The following PLEKHA7 variants were observed in gnomAD, a reference collection of about 807,000 sequenced individuals.
PLEKHA7 encodes the protein pleckstrin homology domain containing A7.
A neutral mutation model predicts 170.0 loss-of-function variants in PLEKHA7; 104 were observed. The observed-to-expected ratio is 0.61, with a 90% CI of 0.52 to 0.72. The LOEUF (loss-of-function observed/expected upper bound fraction) is 0.72, where lower values mean the gene tolerates loss of function less well. Ranked by LOEUF, PLEKHA7 falls within the 30% of genes least tolerant of loss-of-function variation. The pLI is 0.00. For synonymous variants in PLEKHA7, 648 were observed against 660.8 expected, an observed-to-expected ratio of 0.98 and a Z score of 0.30; for missense variants, 1,615 against 1,671.7, an observed-to-expected ratio of 0.97 and a Z score of 0.59.
chr11:16,945,089 C>T (rs770498686), intron 3 of PLEKHA7, among the ~76,000 whole-genome samples: 2 of 152,092 alleles, frequency 1.3e-5, no homozygotes, highest in Non-Finnish European at 2.9e-5. Context: ...GCATGTGCCA[C>T]CATGCCCAGC....
chr11:16,903,551 G>A (rs177545), intron 3 of PLEKHA7, among the ~76,000 whole-genome samples: 125,571 of 152,052 alleles, frequency 0.83, 52,384 homozygotes, highest in Non-Finnish European at 0.9. Flanking sequence ...CAGGGATTAT[G>A]GATTGTAGAG....
At position 16,805,703 on chromosome 11, in the gene PLEKHA7, T is replaced by C. The variant is rs151150153; in HGVS notation, c.2008-2408A>G. On this transcript the variant is annotated intron_variant, in intron 13 of 26. Transcript: ENST00000531066. ...TACTCGGGAGGTTGAGGCAGGAGAA[T>C]CTCTTGAACCTGGGAGGCAGAGGTT... Among the ~76,000 whole-genome samples the C allele has an allele frequency of 2.2e-4, 33 of 149,146 alleles. No individual in the cohort carries two copies. In the East Asian group the frequency reaches 6.3e-3, roughly 29 times the overall value.
At chr11:16,925,048 G>C (rs961051665) in intron 3 of PLEKHA7, among the ~76,000 whole-genome samples, 2 of 151,274 alleles carry the variant, frequency 1.3e-5, no homozygotes. Context: ...TGGGTGTAGA[G>C]GAAGGGCAGG....
chr11:16,888,263 T>TG (rs1384526943), intron 3 of PLEKHA7, among the ~76,000 whole-genome samples: 6 of 134,696 alleles, frequency 4.5e-5, no homozygotes, highest in Non-Finnish European at 6.4e-5. Flanking sequence ...AGGAGGGAGG[T>TG]GGGGGGCAGT....
At chr11:16,994,006 T>G (rs1185303548) in intron 3 of PLEKHA7, among the ~76,000 whole-genome samples, 1 of 152,196 alleles carries the variant, frequency 6.6e-6, no homozygotes, top group Non-Finnish European at 1.5e-5. Context: ...AACACAAGCT[T>G]AAGTATAAAG....
chr11:16,994,964 C>T (rs368888200), intron 3 of PLEKHA7, among the ~76,000 whole-genome samples: 9 of 152,300 alleles, frequency 5.9e-5, no homozygotes, highest in African/African-American at 1.9e-4. Flanking sequence ...CTACTATGTA[C>T]AAGATGTATT....
intron 3 of PLEKHA7, among the ~76,000 whole-genome samples, chr11:16,981,573 G>A (rs1228350735): frequency 6.6e-6 from 1 of 152,072 alleles, no homozygotes; most frequent in African/African-American, 2.4e-5. Flanking sequence ...TCAGCCCAGT[G>A]CAAACCATGC....
intron 13 of PLEKHA7, among the ~76,000 whole-genome samples, chr11:16,806,661 G>A (rs1849011472): frequency 6.6e-6 from 1 of 152,218 alleles, no homozygotes; most frequent in African/African-American, 2.4e-5. Flanking sequence ...TGGGCAGGGG[G>A]TGGCATTTTA....
chr11:16,781,173 G>A (rs559322715), intron 26 of PLEKHA7: 2 of 217,456 alleles, frequency 9.2e-6, no homozygotes, highest in Non-Finnish European at 1.6e-5. Flanking sequence ...CGAAGGGCCT[G>A]GGCTTGAGGG....
chr11:16,987,206 CCCCACCAGTGATCACTCCCT>C (rs1012255594), intron 3 of PLEKHA7, among the ~76,000 whole-genome samples: 2 of 152,134 alleles, frequency 1.3e-5, no homozygotes, highest in African/African-American at 4.8e-5. Context: ...AAACCTCAGT[CCCCACCAGTGATCACTCCCT>C]CCCAACCAAA....
intron 13 of PLEKHA7, chr11:16,807,283 C>T: frequency 1.3e-6 from 1 of 766,856 alleles, no homozygotes; most frequent in Non-Finnish European, 1.6e-6. Flanking sequence ...TCAAATGACA[C>T]TTGAAGCAGC....
intron 3 of PLEKHA7, among the ~76,000 whole-genome samples, chr11:16,982,135 T>G (rs1863467690): frequency 6.6e-6 from 1 of 152,154 alleles, no homozygotes; most frequent in Non-Finnish European, 1.5e-5. Flanking sequence ...GAAAGTACTT[T>G]GGAAATATAT....
At chr11:16,827,213 A>G (rs910988333) in intron 9 of PLEKHA7, among the ~76,000 whole-genome samples, 2 of 152,238 alleles carry the variant, frequency 1.3e-5, no homozygotes, top group African/African-American at 4.8e-5. Context: ...AAAGATGGCG[A>G]ATAGAGAACA....
In PLEKHA7 at chr11:16,782,795, G is replaced by A; in HGVS notation, c.3752C>T (p.Ala1251Val). 6.5e-7 allele frequency: 1 copy of A among 1,536,178 alleles called. No homozygotes were observed. Among genetic ancestry groups the A allele is most frequent in the Non-Finnish European group, 8.7e-7 (1 of 1,146,918 alleles). The change falls in exon 26 of 27, where the codon GCC becomes GTC. Residue 1251 changes from alanine to valine, a missense_variant. By Grantham distance (64) the Ala-to-Val change is moderately conservative. Transcript: ENST00000531066. ...ACGCTGGGAGGCCTCGGAGGCCAGG[G>A]CGTAGGAGATGTTGATGATGCGCTC... ...EQERIINISY[A>V]LASEASQRSK...
intron 3 of PLEKHA7, among the ~76,000 whole-genome samples, chr11:16,904,871 A>G (rs1036611783): frequency 6.6e-5 from 10 of 152,344 alleles, no homozygotes; most frequent in Admixed American, 2.0e-4. Flanking sequence ...AATCATATAT[A>G]TGACTAAAAG....
intron 3 of PLEKHA7, among the ~76,000 whole-genome samples, chr11:16,927,061 T>C (rs1435799268): frequency 7.5e-6 from 1 of 132,538 alleles, no homozygotes; most frequent in Non-Finnish European, 1.8e-5. Flanking sequence ...CAGCCATAGC[T>C]AGTCAGGAGG....
At chr11:16,803,537 A>T in intron 13 of PLEKHA7, 1 of 506,768 alleles carries the variant, frequency 2.0e-6, no homozygotes, top group Non-Finnish European at 3.5e-6. Flanking sequence ...GTTAAAGAAA[A>T]TGTAGATGTT....
Position 16,778,926 on chromosome 11 carries a change from G to A in PLEKHA7, c.*72C>T. The A allele has an allele frequency of 1.4e-6, 1 of 702,366 alleles. No homozygotes were observed. The highest frequency in any genetic ancestry group is 2.6e-6 in the Non-Finnish European group (1 of 384,850). The allele number at this position is 702,366 out of a possible 1,614,324, so 43.5% of individuals were successfully genotyped here. A position where few individuals can be genotyped will look rare whatever the true frequency, so the allele number is the denominator to read the frequency against. On this transcript the variant is annotated 3_prime_UTR_variant, in exon 27 of 27. Transcript: ENST00000531066. ...TCAGCTGGAAGGGGTTTCCTTGGGG[G>A]CAGAAAGGTCATCTCCTTGGAGGAA...
At chr11:16,983,959 G>A (rs375821123) in intron 3 of PLEKHA7, among the ~76,000 whole-genome samples, 6 of 152,114 alleles carry the variant, frequency 3.9e-5, no homozygotes, top group African/African-American at 1.4e-4. Context: ...ATACACCTGT[G>A]GCCCCAGCTA....
Sources: gnomAD v4.1 joint callset for allele counts (sites outside exome capture counted in the v4.1 genomes callset) on GRCh38, gnomAD v4.1.1 for gene constraint, MANE v1.5 for transcripts, NCBI Gene and HGNC (gene_info 2026-07-23, HGNC 2026-07-21) for gene names.